Variants in USF3 observed in about 807,000 individuals in gnomAD.
The protein encoded by USF3 is basic helix-loop-helix domain-containing protein USF3.
A neutral mutation model predicts 157.5 loss-of-function variants in USF3; 29 were observed. The observed-to-expected ratio is 0.18, with a 90% CI of 0.14 to 0.25. The LOEUF (loss-of-function observed/expected upper bound fraction) is 0.25, where lower values mean the gene tolerates loss of function less well. USF3 is among the 10% of genes least tolerant of loss of function. The pLI is 1.00. For missense variants in USF3, 2,381 were observed against 2,667.6 expected (o/e 0.89, Z 2.37); for synonymous variants, 893 against 941.4 (o/e 0.95, Z 0.94).
intron 5 of USF3, among the ~76,000 whole-genome samples, chr3:113,669,490 A>G (rs114557171): frequency 3.6e-4 from 55 of 152,220 alleles, no homozygotes; most frequent in Non-Finnish European, 6.9e-4. Context: ...TATAATAGTG[A>G]TTATTGCTTG....
At chr3:113,695,949 T>G (rs1186479062) in intron 1 of USF3, among the ~76,000 whole-genome samples, 2 of 151,916 alleles carry the variant, frequency 1.3e-5, no homozygotes, top group Non-Finnish European at 2.9e-5. Context: ...ACGAAAGAAA[T>G]TCAGAGGGCA....
At chr3:113,665,444 T>C (rs1947548925) in intron 5 of USF3, among the ~76,000 whole-genome samples, 1 of 152,266 alleles carries the variant, frequency 6.6e-6, no homozygotes, top group Non-Finnish European at 1.5e-5. Context: ...GTAAATTGTA[T>C]TCCTAAGCTT....
chr3:113,670,980 A>G (rs1264184089), intron 4 of USF3, among the ~76,000 whole-genome samples: 1 of 152,150 alleles, frequency 6.6e-6, no homozygotes, highest in Non-Finnish European at 1.5e-5. Context: ...CCTGAGCTCA[A>G]GCTATCTGCC....
Position 113,659,479 on chromosome 3 carries a change from C to T in USF3, c.2203G>A (p.Ala735Thr). 6.2e-7 allele frequency: 1 copy of T among 1,614,230 alleles called. No homozygotes were observed. The highest frequency in any genetic ancestry group is 1.1e-5 in the South Asian group (1 of 91,088). The change falls in exon 7 of 7, where the codon GCC becomes ACC. Residue 735 changes from alanine (A) to threonine (T), a missense_variant. Physicochemically the swap from Ala to Thr is moderately conservative, Grantham distance 58. Around this residue, in one of 6 missense-constraint regions of USF3, gnomAD observed 1,435 missense variants for 1,550.9 expected, o/e 0.93. Coordinates refer to ENST00000316407, the MANE Select transcript of USF3 (RefSeq NM_001009899.4). The part of the protein sequence containing the change: ...SCVQLSISQP[A>T]NSQTAANSQT... ...CTATTTGCAGCAGTTTGAGAATTGGCAGGCTGGCTAATAGACAATTGTACA... is the reference window on the plus strand; with the variant it reads ...CTATTTGCAGCAGTTTGAGAATTGGTAGGCTGGCTAATAGACAATTGTACA...
chr3:113,655,520 A>G lies in USF3; in HGVS notation c.6162T>C (p.Pro2054=). 1 of 1,614,216 alleles carries G rather than the reference A, an allele frequency of 6.2e-7. No homozygotes were observed. Among genetic ancestry groups the G allele is most frequent in the Non-Finnish European group, 8.5e-7 (1 of 1,180,026 alleles). Residue 2054 remains proline, a synonymous_variant, in exon 7 of 7, where the codon CCT becomes CCC. Transcript: ENST00000316407. ...AATTTTGTGATAGTGTATGCTGGTC[A>G]GGACCTGAATTATCATTAGGTACTT... The part of the protein sequence containing the change: ...SPQVPNDNSG[P]DQHTLSQNFG...
At chr3:113,678,548 T>A (rs1707335027) in intron 1 of USF3, among the ~76,000 whole-genome samples, 1 of 152,090 alleles carries the variant, frequency 6.6e-6, no homozygotes, top group Admixed American at 6.6e-5. Context: ...TATTTATAGG[T>A]ACAATTTTCA....
At position 113,693,037 on chromosome 3, in the gene USF3, A is replaced by G. The variant is rs992305712; in HGVS notation, c.-135+3333T>C. Among the ~76,000 whole-genome samples, 127 of 152,260 alleles carry G rather than the reference A, an allele frequency of 8.3e-4. 3 individuals carry two copies. Among genetic ancestry groups the G allele is most frequent in the Non-Finnish European group, 2.4e-4 (16 of 68,036 alleles). ...GATTCTACTAACCTTTAACAAATCTATAATAGGAGTATAGGACATAAAAAT... is the reference window on the plus strand; with the variant it reads ...GATTCTACTAACCTTTAACAAATCTGTAATAGGAGTATAGGACATAAAAAT... On this transcript the variant is annotated intron_variant, in intron 1 of 6. Coordinates refer to ENST00000316407, the MANE Select transcript of USF3 (RefSeq NM_001009899.4).
In USF3 at chr3:113,659,249, C is replaced by G. The variant is rs371200273; in HGVS notation, c.2433G>C (p.Ala811=). 2 of 1,614,054 alleles carry G rather than the reference C, an allele frequency of 1.2e-6. No individual in the cohort carries two copies. Among genetic ancestry groups the G allele is most frequent in the East Asian group, 2.2e-5 (1 of 44,892 alleles). ...CATCTCTGACTGAATTCAGGGGACA[C>G]GCTGACTTGTTTGCTGCTAAGTGTT... ...GRKHLAANKS[A]CPLNSVRDVS... is the part of the protein sequence containing the mutation. Residue 811 remains alanine (A), a synonymous_variant, in exon 7 of 7, where the codon GCG becomes GCC. Coordinates refer to ENST00000316407, the MANE Select transcript of USF3 (RefSeq NM_001009899.4).
chr3:113,680,053 C>CTTT (rs71131103), intron 1 of USF3, among the ~76,000 whole-genome samples: 1,940 of 58,372 alleles, frequency 0.033, 1 homozygote, highest in African/African-American at 0.041. Flanking sequence ...CTGTAGTTTT[C>CTTT]TTTTTTTTTT....
Position 113,659,822 on chromosome 3 carries a change from T to G in USF3, c.1860A>C (p.Gln620His). Residue 620 changes from glutamine (Q) to histidine (H), a missense_variant, in exon 7 of 7, where the codon CAA (glutamine) becomes CAC (histidine). By Grantham distance (24) the Gln-to-His change is conservative. Transcript: ENST00000316407. ...CAAAAGTCTGTGGTGTTGGAACATTTTGCACTGAATTATTAGACCCTATTA... is the reference window on the plus strand; with the variant it reads ...CAAAAGTCTGTGGTGTTGGAACATTGTGCACTGAATTATTAGACCCTATTA... The part of the protein sequence containing the change: ...NTVIGSNNSV[Q>H]NVPTPQTFGG... 1 of 1,614,190 alleles carries G rather than the reference T, an allele frequency of 6.2e-7. No individual in the cohort carries two copies. Among genetic ancestry groups the G allele is most frequent in the Non-Finnish European group, 8.5e-7 (1 of 1,180,020 alleles).
At chr3:113,683,243 C>CTATTA (rs1553701658) in intron 1 of USF3, among the ~76,000 whole-genome samples, 1 of 46,604 alleles carries the variant, frequency 2.1e-5, no homozygotes, top group African/African-American at 6.4e-5. Context: ...CTGATAAAAA[C>CTATTA]TCTAGTTTTT....
intron 1 of USF3, among the ~76,000 whole-genome samples, chr3:113,681,940 T>C (rs1019931001): frequency 6.6e-6 from 1 of 151,934 alleles, no homozygotes; most frequent in Non-Finnish European, 1.5e-5. Flanking sequence ...AGGCTGGTCT[T>C]GAACTCTTGA....
At chr3:113,673,231 C>G in intron 4 of USF3, 117 bp downstream of exon 4, 1 of 717,952 alleles carries the variant, frequency 1.4e-6, no homozygotes, top group East Asian at 2.8e-5. Context: ...GAACATTTTC[C>G]TAAAACATAA....
chr3:113,688,280 G>A lies in USF3; in HGVS notation c.-135+8090C>T, dbSNP rs576037896. Among the ~76,000 whole-genome samples, 371 of 152,128 alleles carry A rather than the reference G, an allele frequency of 2.4e-3. 1 individual carries two copies. The highest frequency in any genetic ancestry group is 8.4e-3 in the African/African-American group (350 of 41,530). On this transcript the variant is annotated intron_variant, in intron 1 of 6. Coordinates refer to ENST00000316407, the MANE Select transcript of USF3 (RefSeq NM_001009899.4). Reference sequence around the variant, plus strand: ...ATTACAGGCACTCGCCACCACACCCGGCTAATTTTTTGTATCTTTAGTAGA... The same window carrying A: ...ATTACAGGCACTCGCCACCACACCCAGCTAATTTTTTGTATCTTTAGTAGA...
Position 113,654,779 on chromosome 3 carries a change from C to T in USF3, c.*165G>A. 1 of 653,308 alleles carries T rather than the reference C, an allele frequency of 1.5e-6. No individual in the cohort carries two copies. Among genetic ancestry groups the T allele is most frequent in the Non-Finnish European group, 2.4e-6 (1 of 411,542 alleles). The allele number at this position is 653,308 out of a possible 1,614,324, so 40.5% of individuals were successfully genotyped here. Reference sequence around the variant, plus strand: ...AAAGATAACTTGTTTTCTGACAACCCAGTATCTGCATCTGACATGGCTTCC... The same window carrying T: ...AAAGATAACTTGTTTTCTGACAACCTAGTATCTGCATCTGACATGGCTTCC... On this transcript the variant is annotated 3_prime_UTR_variant, in exon 7 of 7. Transcript: ENST00000316407.
Position 113,661,240 on chromosome 3 carries a change from T to C in USF3, c.442A>G (p.Ile148Val), listed in dbSNP as rs1189929531. The change falls in exon 7 of 7, where the codon ATT becomes GTT. Residue 148 changes from isoleucine (I) to valine (V), a missense_variant. Around this residue, in one of 6 missense-constraint regions of USF3, gnomAD observed 1,435 missense variants for 1,550.9 expected, o/e 0.93. Coordinates refer to ENST00000316407, the MANE Select transcript of USF3 (RefSeq NM_001009899.4). ...GGCTGATTCCCGTTGGAATAAACAA[T>C]AATTTTTTTTTGAACCTGGTCACTA... ...IPSDQVQKKI[I>V]VYSNGNQPGG... 1.2e-6 allele frequency: 2 copies of C among 1,613,908 alleles called. No homozygotes were observed. The highest frequency in any genetic ancestry group is 1.1e-5 in the South Asian group (1 of 91,014).
At position 113,650,675 on chromosome 3, in the gene USF3, A is replaced by T. The variant is rs1231216294; in HGVS notation, c.*4269T>A. On this transcript the variant is annotated 3_prime_UTR_variant, in exon 7 of 7. Coordinates refer to ENST00000316407, the MANE Select transcript of USF3 (RefSeq NM_001009899.4). ...GCCTCTCCATGAAATGGCTAATGTT[A>T]GAAGGCAAGAGCAAGGCAAATAAAT... 6.6e-6 allele frequency: 1 copy of T among 152,252 alleles called. No homozygotes were observed. The highest frequency in any genetic ancestry group is 1.5e-5 in the Non-Finnish European group (1 of 68,040). The allele number at this position is 152,252 out of a possible 1,614,324, so 9.4% of individuals were successfully genotyped here.
intron 3 of USF3, among the ~76,000 whole-genome samples, chr3:113,673,725 T>C (rs552828608): frequency 6.6e-6 from 1 of 152,338 alleles, no homozygotes; most frequent in Non-Finnish European, 1.5e-5. Context: ...ATGTGCCAAG[T>C]AGGTGATATC....
rs1235546273 is a variant in USF3 at position 113,696,479 on chromosome 3, C to T, written c.-244G>A. ...GGAGTGTCTGACCGTCTGGGCGAAT[C>T]TCTCCGTCCGCGGCCACCGCCTGCT... On this transcript the variant is annotated 5_prime_UTR_variant, in exon 1 of 7. Coordinates refer to ENST00000316407, the MANE Select transcript of USF3 (RefSeq NM_001009899.4). The T allele has an allele frequency of 2.0e-5, 3 of 152,100 alleles. No homozygotes were observed. The highest frequency in any genetic ancestry group is 2.9e-5 in the Non-Finnish European group (2 of 68,048). 9.4% of individuals were successfully genotyped at this position (152,100 alleles called of 1,614,324 possible). A position where few individuals can be genotyped will look rare whatever the true frequency, so the allele number is the denominator to read the frequency against.
Sources: allele counts gnomAD v4.1 joint callset (sites outside exome capture counted in the v4.1 genomes callset), GRCh38; gene constraint gnomAD v4.1.1; regional missense constraint gnomAD v4.1.1; transcripts MANE v1.5; gene names NCBI Gene and HGNC (gene_info 2026-07-23, HGNC 2026-07-21).